The following GRM3 variants were observed in gnomAD, a reference collection of about 807,000 sequenced individuals.
GRM3 encodes the protein metabotropic glutamate receptor 3.
GRM3 carries 26 observed loss-of-function variants against 70.5 expected under a neutral mutation model. The ratio of observed to expected loss-of-function variants is 0.37; its 90% CI spans 0.27 to 0.51. GRM3 has a LOEUF of 0.51. Ranked by LOEUF, GRM3 falls within the 20% of genes least tolerant of loss-of-function variation. The pLI is 0.93. For synonymous variants in GRM3, 443 were observed against 434.9 expected (o/e 1.02, Z -0.23); for missense variants, 859 against 1,123.8 (o/e 0.76, Z 3.37).
At chr7:86,735,535 T>A (rs1468701747) in intron 1 of GRM3, among the ~76,000 whole-genome samples, 1 of 152,184 alleles carries the variant, frequency 6.6e-6, no homozygotes, top group Non-Finnish European at 1.5e-5. Context: ...GACCAGCAGG[T>A]TTTTAAAATA....
intron 3 of GRM3, among the ~76,000 whole-genome samples, chr7:86,808,038 G>A (rs1797831935): frequency 6.6e-6 from 1 of 152,032 alleles, no homozygotes; most frequent in African/African-American, 2.4e-5. Context: ...TTTATATGAT[G>A]GATTACATTT....
chr7:86,659,512 C>G (rs1347024299), intron 1 of GRM3, among the ~76,000 whole-genome samples: 1 of 152,060 alleles, frequency 6.6e-6, no homozygotes, highest in Non-Finnish European at 1.5e-5. Flanking sequence ...ACGAATTTGA[C>G]CAGTTGAATA....
chr7:86,822,816 T>C (rs1462528969), intron 3 of GRM3, among the ~76,000 whole-genome samples: 2 of 152,210 alleles, frequency 1.3e-5, no homozygotes, highest in Non-Finnish European at 2.9e-5. Flanking sequence ...TATCAATCTC[T>C]GGATGATCCT....
intron 1 of GRM3, among the ~76,000 whole-genome samples, chr7:86,723,589 A>G (rs1795524603): frequency 6.6e-6 from 1 of 152,198 alleles, no homozygotes; most frequent in Admixed American, 6.5e-5. Context: ...GAACTAAACT[A>G]AACTAAAATA....
At chr7:86,811,466 T>C (rs1797907073) in intron 3 of GRM3, among the ~76,000 whole-genome samples, 1 of 151,792 alleles carries the variant, frequency 6.6e-6, no homozygotes, top group Admixed American at 6.6e-5. Flanking sequence ...GGAAGTATCA[T>C]CTCTAGGAGG....
intron 1 of GRM3, among the ~76,000 whole-genome samples, chr7:86,697,307 A>G (rs371634502): frequency 2.6e-5 from 4 of 151,842 alleles, no homozygotes; most frequent in South Asian, 2.1e-4. Flanking sequence ...AAAAAAAAAG[A>G]TACAAATATA....
At chr7:86,808,568 A>G (rs995920283) in intron 3 of GRM3, among the ~76,000 whole-genome samples, 1 of 151,842 alleles carries the variant, frequency 6.6e-6, no homozygotes, top group African/African-American at 2.4e-5. Context: ...TAGCACGCCA[A>G]GTGGAATAAG....
At chr7:86,750,667 C>T (rs1796208850) in intron 1 of GRM3, among the ~76,000 whole-genome samples, 1 of 150,522 alleles carries the variant, frequency 6.6e-6, no homozygotes, top group Non-Finnish European at 1.5e-5. Context: ...AAGTTTAGAG[C>T]AATATCTTAA....
chr7:86,735,667 G>T (rs534105699), intron 1 of GRM3, among the ~76,000 whole-genome samples: 186 of 152,268 alleles, frequency 1.2e-3, no homozygotes, highest in Non-Finnish European at 1.9e-3. Flanking sequence ...GGAGCTACTA[G>T]TTCATACAAC....
intron 1 of GRM3, among the ~76,000 whole-genome samples, chr7:86,651,288 A>G (rs1343070054): frequency 6.6e-6 from 1 of 152,198 alleles, no homozygotes; most frequent in Admixed American, 6.5e-5. Context: ...TAATTAATGG[A>G]CATAAAAAAG....
chr7:86,848,359 T>C (rs537469128), intron 4 of GRM3, among the ~76,000 whole-genome samples: 2 of 152,222 alleles, frequency 1.3e-5, no homozygotes, highest in East Asian at 1.9e-4. Context: ...TCAGCGCTGA[T>C]TAAAGAGTAA....
At chr7:86,852,974 T>G (rs1312046036) in intron 5 of GRM3, among the ~76,000 whole-genome samples, 1 of 152,154 alleles carries the variant, frequency 6.6e-6, no homozygotes, top group African/African-American at 2.4e-5. Context: ...GTTGGAAGTA[T>G]TTCATATCAA....
intron 1 of GRM3, among the ~76,000 whole-genome samples, chr7:86,737,291 CTTCACAAA>C (rs542919405): frequency 3.7e-4 from 57 of 152,326 alleles, no homozygotes; most frequent in Non-Finnish European, 6.3e-4. Flanking sequence ...CACAGTTAAC[CTTCACAAA>C]TTCACTTTGA....
At chr7:86,800,107 C>A (rs1797648416) in intron 3 of GRM3, among the ~76,000 whole-genome samples, 1 of 152,092 alleles carries the variant, frequency 6.6e-6, no homozygotes, top group Non-Finnish European at 1.5e-5. Flanking sequence ...AAAAAAGAGA[C>A]AATGTACCAG....
At chr7:86,816,742 C>A (rs6974073) in intron 3 of GRM3, among the ~76,000 whole-genome samples, 16,784 of 151,838 alleles carry the variant, frequency 0.11, 1,410 homozygotes, top group African/African-American at 0.24. Flanking sequence ...GTGAATAGTG[C>A]TGCGATGAAC....
At chr7:86,754,560 T>C (rs1287012731) in intron 1 of GRM3, among the ~76,000 whole-genome samples, 1 of 152,124 alleles carries the variant, frequency 6.6e-6, no homozygotes, top group Non-Finnish European at 1.5e-5. Flanking sequence ...TGAGATGGCA[T>C]CTATATGTAA....
intron 1 of GRM3, among the ~76,000 whole-genome samples, chr7:86,704,288 T>G (rs1364149302): frequency 1.3e-5 from 2 of 151,966 alleles, no homozygotes; most frequent in Admixed American, 1.3e-4. Flanking sequence ...TTTGATTAGA[T>G]GCTTTCTGGG....
intron 3 of GRM3, among the ~76,000 whole-genome samples, chr7:86,812,702 G>A (rs1010747070): frequency 6.6e-6 from 1 of 151,670 alleles, no homozygotes; most frequent in African/African-American, 2.4e-5. Flanking sequence ...TTGCATCTCA[G>A]CAGATATTTG....
chr7:86,860,308 C>T (rs186612050), intron 5 of GRM3, among the ~76,000 whole-genome samples: 47 of 152,208 alleles, frequency 3.1e-4, no homozygotes, highest in African/African-American at 1.1e-3. Flanking sequence ...CGGGCTAATA[C>T]AGGAGGCATA....
Sources: gnomAD v4.1 joint callset for allele counts (sites outside exome capture counted in the v4.1 genomes callset) on GRCh38, gnomAD v4.1.1 for gene constraint, MANE v1.5 for transcripts, NCBI Gene and HGNC (gene_info 2026-07-23, HGNC 2026-07-21) for gene names.